NCKAP5: variants seen among roughly 807,000 people sequenced by gnomAD.
The protein encoded by NCKAP5 is nck-associated protein 5.
Under a neutral mutation model 167.0 loss-of-function variants are expected in NCKAP5, and 92 were observed. The ratio of observed to expected loss-of-function variants is 0.55; its 90% CI spans 0.47 to 0.66. The LOEUF is 0.66. Among genes scored for constraint, NCKAP5 ranks in the 30% least tolerant of loss-of-function variants. NCKAP5 has a pLI of 0.00. For synonymous variants in NCKAP5, 891 were observed against 877.4 expected (o/e 1.02, Z -0.27); for missense variants, 2,378 against 2,315.0 (o/e 1.03, Z -0.56).
intron 19 of NCKAP5, among the ~76,000 whole-genome samples, chr2:132,694,945 G>A (rs953783618): frequency 9.9e-5 from 15 of 152,178 alleles, no homozygotes; most frequent in Non-Finnish European, 2.1e-4. Context: ...CTGGAGGCTG[G>A]AAAGTCCAAG....
chr2:133,485,634 A>T (rs571838501), intron 3 of NCKAP5, among the ~76,000 whole-genome samples: 1 of 152,192 alleles, frequency 6.6e-6, no homozygotes, highest in Non-Finnish European at 1.5e-5. Context: ...AAAGTGTTTC[A>T]TGGCCACAAA....
At chr2:133,295,979 C>T (rs1048487432) in intron 4 of NCKAP5, among the ~76,000 whole-genome samples, 11 of 152,162 alleles carry the variant, frequency 7.2e-5, no homozygotes, top group African/African-American at 2.7e-4. Flanking sequence ...TGCTAACAGT[C>T]CTTTCCTGAA....
intron 4 of NCKAP5, among the ~76,000 whole-genome samples, chr2:133,296,206 A>G (rs1679946787): frequency 6.6e-6 from 1 of 152,164 alleles, no homozygotes; most frequent in Admixed American, 6.5e-5. Context: ...ATCAACTGGC[A>G]CCATCCAGAA....
intron 3 of NCKAP5, among the ~76,000 whole-genome samples, chr2:133,363,155 G>T (rs1009587828): frequency 2.6e-5 from 4 of 152,140 alleles, no homozygotes; most frequent in African/African-American, 9.7e-5. Context: ...GGAGGTACAA[G>T]GTGGTTGTTC....
At chr2:133,594,785 A>G in the NCKAP5 span, among the ~76,000 whole-genome samples, 3 of 152,208 alleles carry the variant, frequency 2.0e-5, no homozygotes, top group African/African-American at 7.2e-5. Context: ...TAGTTACTTT[A>G]AGACACCAAG....
At chr2:133,097,400 A>C (rs1483876294) in intron 6 of NCKAP5, among the ~76,000 whole-genome samples, 1 of 152,334 alleles carries the variant, frequency 6.6e-6, no homozygotes, top group Admixed American at 6.5e-5. Context: ...ACCAACCAGC[A>C]TCATCTCCAT....
chr2:132,676,283 C>CTTTTTTTTTTTT (rs61213029), intron 19 of NCKAP5, among the ~76,000 whole-genome samples: 1 of 61,136 alleles, frequency 1.6e-5, no homozygotes, highest in Non-Finnish European at 2.8e-5. Flanking sequence ...TTGTTTTATC[C>CTTTTTTTTTTTT]TTTTTTTTTT....
chr2:133,112,456 A>G (rs1260561886), intron 6 of NCKAP5, among the ~76,000 whole-genome samples: 1 of 150,536 alleles, frequency 6.6e-6, no homozygotes, highest in African/African-American at 2.5e-5. Flanking sequence ...CCTGGGCAAC[A>G]GAGTAAGACT....
chr2:132,700,930 CGGGG>C (rs67190492), intron 19 of NCKAP5, among the ~76,000 whole-genome samples: 43 of 113,224 alleles, frequency 3.8e-4, no homozygotes, highest in African/African-American at 1.6e-3. Flanking sequence ...ATCCCCTGGG[CGGGG>C]GGGGGGGCTT....
At chr2:132,762,492 A>G (rs79374674) in intron 16 of NCKAP5, among the ~76,000 whole-genome samples, 2,540 of 152,246 alleles carry the variant, frequency 0.017, 81 homozygotes, top group African/African-American at 0.058. Context: ...AGTTTCCCCA[A>G]CTTTGTACTT....
intron 3 of NCKAP5, among the ~76,000 whole-genome samples, chr2:133,316,561 G>A (rs992937791): frequency 6.6e-5 from 10 of 152,170 alleles, no homozygotes; most frequent in Admixed American, 3.3e-4. Context: ...ACCTTGCTTG[G>A]ATTTTATTTT....
intron 4 of NCKAP5, among the ~76,000 whole-genome samples, chr2:133,296,692 T>A (rs1679986309): frequency 6.6e-6 from 1 of 152,246 alleles, no homozygotes; most frequent in African/African-American, 2.4e-5. Context: ...CTAGCTATAT[T>A]AATACCTTCT....
chr2:133,103,860 C>T (rs2081597394), intron 6 of NCKAP5, among the ~76,000 whole-genome samples: 1 of 152,098 alleles, frequency 6.6e-6, no homozygotes, highest in South Asian at 2.1e-4. Flanking sequence ...CCCACAAAGT[C>T]CGAGAGAACT....
intron 11 of NCKAP5, among the ~76,000 whole-genome samples, chr2:132,838,554 C>T (rs141867738): frequency 6.6e-6 from 1 of 152,130 alleles, no homozygotes; most frequent in Non-Finnish European, 1.5e-5. Flanking sequence ...ATGGTGTGAA[C>T]CCAGCAAGCA....
intron 6 of NCKAP5, chr2:133,118,953 T>G (rs2082168132): frequency 6.6e-6 from 1 of 152,128 alleles, no homozygotes; most frequent in Non-Finnish European, 1.5e-5. Context: ...CATTCAACCT[T>G]CCTTACAAAC....
the NCKAP5 span, among the ~76,000 whole-genome samples, chr2:133,647,430 GAAGAAAGA>G: frequency 2.4e-5 from 2 of 83,644 alleles, no homozygotes; most frequent in African/African-American, 5.4e-5. Flanking sequence ...AGAAAGAAAG[GAAGAAAGA>G]AAGAAAGAAA....
chr2:133,235,619 A>G (rs2087367166), intron 4 of NCKAP5, among the ~76,000 whole-genome samples: 1 of 151,798 alleles, frequency 6.6e-6, no homozygotes, highest in Non-Finnish European at 1.5e-5. Flanking sequence ...AATACAAAAT[A>G]CAGGCTGGGC....
the NCKAP5 span, among the ~76,000 whole-genome samples, chr2:133,647,014 A>C: frequency 1.3e-5 from 2 of 152,122 alleles, no homozygotes; most frequent in Non-Finnish European, 2.9e-5. Flanking sequence ...AAAATATATC[A>C]GTACAAAAAA....
chr2:133,071,842 C>T (rs1047127978), intron 6 of NCKAP5, among the ~76,000 whole-genome samples: 15 of 152,172 alleles, frequency 9.9e-5, no homozygotes, highest in African/African-American at 3.6e-4. Flanking sequence ...GACAGAAAGG[C>T]ACATTGGATA....
Sources: gnomAD v4.1 joint callset for allele counts (sites outside exome capture counted in the v4.1 genomes callset) on GRCh38, gnomAD v4.1.1 for gene constraint, MANE v1.5 for transcripts, NCBI Gene and HGNC (gene_info 2026-07-23, HGNC 2026-07-21) for gene names.